CTNNA3: variants seen among roughly 807,000 people sequenced by gnomAD.
CTNNA3 encodes catenin alpha-3.
CTNNA3 carries 76 observed loss-of-function variants against 95.7 expected under a neutral mutation model. The observed-to-expected ratio is 0.79, with a 90% confidence interval of 0.66 to 0.96. The LOEUF (loss-of-function observed/expected upper bound fraction) is 0.96. Among genes scored for constraint, CTNNA3 ranks in the 40% least tolerant of loss-of-function variants. The pLI, the probability that CTNNA3 is intolerant of heterozygous loss-of-function variation, is 0.00. For missense variants in CTNNA3, 1,191 were observed against 1,089.8 expected, an observed-to-expected ratio of 1.09 and a Z score of -1.31; for synonymous variants, 431 against 374.4, an observed-to-expected ratio of 1.15 and a Z score of -1.74.
At chr10:66,157,511 A>ATATG (rs1564710559) in intron 13 of CTNNA3, among the ~76,000 whole-genome samples, 1 of 107,632 alleles carries the variant, frequency 9.3e-6, no homozygotes, top group African/African-American at 2.9e-5. Flanking sequence ...AGATAGATAG[A>ATATG]TAGATAGATA....
intron 9 of CTNNA3, among the ~76,000 whole-genome samples, chr10:66,709,802 G>C (rs192943895): frequency 7.8e-4 from 118 of 152,158 alleles, no homozygotes; most frequent in African/African-American, 2.5e-3. Flanking sequence ...TAAGAGGTGT[G>C]AATATGTACA....
chr10:66,570,047 GAC>G (rs1319284462), intron 10 of CTNNA3, among the ~76,000 whole-genome samples: 1 of 152,102 alleles, frequency 6.6e-6, no homozygotes, highest in African/African-American at 2.4e-5. Context: ...CATTAAGAAT[GAC>G]TCTCATCTCT....
chr10:66,199,801 AT>A (rs1564756511), intron 13 of CTNNA3, among the ~76,000 whole-genome samples: 8 of 13,194 alleles, frequency 6.1e-4, no homozygotes, highest in African/African-American at 2.8e-3. Context: ...ATATATATAT[AT>A]ATATTTTTTT....
intron 12 of CTNNA3, among the ~76,000 whole-genome samples, chr10:66,363,154 C>T (rs777974450): frequency 5.8e-4 from 89 of 152,226 alleles, no homozygotes; most frequent in Admixed American, 3.2e-3. Flanking sequence ...CTATATCGTG[C>T]GCTGCTTATC....
chr10:65,963,830 T>G (rs2077903785), intron 17 of CTNNA3, among the ~76,000 whole-genome samples: 1 of 152,178 alleles, frequency 6.6e-6, no homozygotes, highest in South Asian at 2.1e-4. Context: ...GTGGAATAAT[T>G]TTAATTAAAT....
intron 13 of CTNNA3, among the ~76,000 whole-genome samples, chr10:66,219,011 AT>A (rs1405279668): frequency 3.3e-5 from 5 of 152,202 alleles, no homozygotes. Context: ...TATAGTGGTT[AT>A]TCATATGCTT....
intron 15 of CTNNA3, among the ~76,000 whole-genome samples, chr10:66,019,411 G>A (rs556398257): frequency 3.3e-5 from 5 of 151,974 alleles, no homozygotes; most frequent in Non-Finnish European, 5.9e-5. Context: ...CCTTCATGTT[G>A]AAGGATATAG....
chr10:66,394,537 C>T (rs1411761088), intron 11 of CTNNA3, among the ~76,000 whole-genome samples: 1 of 109,714 alleles, frequency 9.1e-6, no homozygotes, highest in Non-Finnish European at 1.8e-5. Context: ...CATCTAATAA[C>T]AAAGCACTGG....
At chr10:67,479,108 AG>A (rs1564678630) in intron 5 of CTNNA3, among the ~76,000 whole-genome samples, 1 of 152,182 alleles carries the variant, frequency 6.6e-6, no homozygotes, top group Non-Finnish European at 1.5e-5. Flanking sequence ...TTATAGAACA[AG>A]TACTTCTAGA....
At chr10:67,620,259 A>C (rs1442136392) in intron 2 of CTNNA3, among the ~76,000 whole-genome samples, 1 of 152,194 alleles carries the variant, frequency 6.6e-6, no homozygotes, top group African/African-American at 2.4e-5. Context: ...AAATGCACAG[A>C]GGTGCCCACA....
At chr10:66,627,794 T>C (rs1282367655) in intron 9 of CTNNA3, among the ~76,000 whole-genome samples, 1 of 152,184 alleles carries the variant, frequency 6.6e-6, no homozygotes, top group Non-Finnish European at 1.5e-5. Flanking sequence ...CTTCAATGTC[T>C]ATTAGAACAT....
chr10:67,001,452 G>C (rs10997478), intron 7 of CTNNA3, among the ~76,000 whole-genome samples: 22,272 of 151,734 alleles, frequency 0.15, 2,035 homozygotes, highest in South Asian at 0.3. Context: ...AGACAGGGGT[G>C]GGGGACAGAA....
chr10:67,142,423 G>A (rs1434828096), intron 7 of CTNNA3, among the ~76,000 whole-genome samples: 2 of 152,036 alleles, frequency 1.3e-5, no homozygotes, highest in Non-Finnish European at 2.9e-5. Flanking sequence ...CTATTACAAT[G>A]AGTGAACCTG....
intron 7 of CTNNA3, among the ~76,000 whole-genome samples, chr10:67,002,692 C>T (rs886372248): frequency 6.6e-6 from 1 of 151,722 alleles, no homozygotes; most frequent in Non-Finnish European, 1.5e-5. Context: ...AACTTGTTTC[C>T]AAAAATCAGG....
Position 66,443,821 on chromosome 10 carries a change from G to A in CTNNA3, c.1532-64469C>T, listed in dbSNP as rs562148194. ...CACCAGCAACGGAACAAAGCTGGAC[G>A]GAGAATGACATTGATGAGTTGAGAG... On this transcript the variant is annotated intron_variant, in intron 11 of 17. Coordinates refer to ENST00000433211, the MANE Select transcript of CTNNA3 (RefSeq NM_013266.4). Among the ~76,000 whole-genome samples, 32 of 152,288 alleles carry A rather than the reference G, an allele frequency of 2.1e-4. No individual in the cohort carries two copies. In the East Asian group the frequency reaches 3.9e-3, roughly 18 times the overall value.
At chr10:66,911,560 A>T (rs868440359) in intron 7 of CTNNA3, among the ~76,000 whole-genome samples, 3 of 152,196 alleles carry the variant, frequency 2.0e-5, no homozygotes, top group Non-Finnish European at 2.9e-5. Context: ...ACTTCAAAGA[A>T]GACAGAATGA....
intron 7 of CTNNA3, among the ~76,000 whole-genome samples, chr10:66,827,187 C>T (rs1325811694): frequency 6.6e-6 from 1 of 152,024 alleles, no homozygotes; most frequent in African/African-American, 2.4e-5. Context: ...ATTCAGAAGC[C>T]CCCTTTCTTT....
chr10:67,074,788 T>C (rs1407653883), intron 7 of CTNNA3, among the ~76,000 whole-genome samples: 2 of 152,140 alleles, frequency 1.3e-5, no homozygotes, highest in South Asian at 2.1e-4. Flanking sequence ...CAAAATACAT[T>C]CTTAATATTA....
intron 9 of CTNNA3, among the ~76,000 whole-genome samples, chr10:66,631,252 C>T (rs1293103172): frequency 6.6e-6 from 1 of 152,152 alleles, no homozygotes; most frequent in Non-Finnish European, 1.5e-5. Flanking sequence ...ATTTCTAGAC[C>T]TCTTTCCATT....
Sources: gnomAD v4.1 joint callset for allele counts (sites outside exome capture counted in the v4.1 genomes callset) on GRCh38, gnomAD v4.1.1 for gene constraint, MANE v1.5 for transcripts, NCBI Gene and HGNC (gene_info 2026-07-23, HGNC 2026-07-21) for gene names.